Variants in RAF1 observed in about 807,000 individuals in gnomAD.
The protein encoded by RAF1 is Raf-1 proto-oncogene, serine/threonine kinase.
A neutral mutation model predicts 81.1 loss-of-function variants in RAF1; 27 were observed. That is an observed-to-expected ratio of 0.33 (90% CI 0.25 to 0.46). The LOEUF is 0.46. Ranked by LOEUF, RAF1 falls within the 20% of genes least tolerant of loss-of-function variation. RAF1 has a pLI of 1.00. For synonymous variants in RAF1, 298 were observed against 294.0 expected, an observed-to-expected ratio of 1.01 and a Z score of -0.14; for missense variants, 598 against 826.0, an observed-to-expected ratio of 0.72 and a Z score of 3.38.
rs897042666 is a variant in RAF1, at chr3:12,611,933, G to T, written c.320+17C>A. 3.1e-6 allele frequency: 5 copies of T among 1,597,268 alleles called. No individual in the cohort carries two copies. Among genetic ancestry groups the T allele is most frequent in the Non-Finnish European group, 4.3e-6 (5 of 1,164,766 alleles). The stretch of plus-strand genomic sequence containing the variant: ...CCTTACTAGTCTGAAGAAGTCAATT[G>T]ACTTTTGAGCTCTTACCCTTTGTGT... On this transcript the variant is annotated intron_variant, in intron 3 of 17. Coordinates refer to ENST00000442415, the MANE Select transcript of RAF1 (RefSeq NM_001354689.3).
At chr3:12,655,136 G>A (rs2060650116) in intron 1 of RAF1, among the ~76,000 whole-genome samples, 1 of 152,202 alleles carries the variant, frequency 6.6e-6, no homozygotes, top group East Asian at 1.9e-4. Flanking sequence ...CTTGTGGAGT[G>A]CAATGGCGCA....
intron 1 of RAF1, among the ~76,000 whole-genome samples, chr3:12,628,263 C>G (rs2125487807): frequency 6.6e-6 from 1 of 152,306 alleles, no homozygotes; most frequent in East Asian, 1.9e-4. Context: ...GAGTTTGAGA[C>G]CAGCCTGGGC....
chr3:12,611,757 C>A (rs1336259148), intron 3 of RAF1, among the ~76,000 whole-genome samples, 193 bp downstream of exon 3: 1 of 152,146 alleles, frequency 6.6e-6, no homozygotes, highest in Admixed American at 6.5e-5. Context: ...GTGTATTTAA[C>A]TTTTCAAGAG....
At chr3:12,590,209 C>T (rs2058465426) in intron 13 of RAF1, 1 of 154,564 alleles carries the variant, frequency 6.5e-6, no homozygotes, top group South Asian at 2.0e-4. Context: ...GCTGTCCAAG[C>T]AGAAGGTACA....
Position 12,621,322 on chromosome 3 carries a change from C to T in RAF1, c.-26-2575G>A, listed in dbSNP as rs149945891. 2.0e-3 allele frequency among the ~76,000 whole-genome samples: 299 copies of T among 152,288 alleles called. 1 individual carries two copies. Among genetic ancestry groups the T allele is most frequent in the African/African-American group, 6.3e-3 (262 of 41,572 alleles). ...ACACTAACACTCAAATCATTTTAGT[C>T]AGAGCTGAAATGGCCTAGAATTAAA... On this transcript the variant is annotated intron_variant, in intron 1 of 17. Transcript: ENST00000442415.
intron 1 of RAF1, 92 bp from the exon 2 acceptor site, chr3:12,618,839 T>C: frequency 2.9e-6 from 3 of 1,045,216 alleles, no homozygotes; most frequent in Non-Finnish European, 2.9e-6. Context: ...AATAGCACTA[T>C]GTGGGTTTTT....
rs374989519 is a variant in RAF1, at chr3:12,596,156, G to A, written c.1168+3535C>T. 1.4e-4 allele frequency among the ~76,000 whole-genome samples: 20 copies of A among 146,332 alleles called. 2 individuals carry two copies. Among genetic ancestry groups the A allele is most frequent in the Admixed American group, 3.5e-4 (5 of 14,476 alleles). ...CCAAAGTGCTAGGGATTACAGGTGT[G>A]AACCACCACACCTGGCCTATAGAAA... On this transcript the variant is annotated intron_variant, in intron 11 of 17. Coordinates refer to ENST00000442415, the MANE Select transcript of RAF1 (RefSeq NM_001354689.3).
chr3:12,633,627 T>C (rs2059927712), intron 1 of RAF1, among the ~76,000 whole-genome samples: 1 of 105,164 alleles, frequency 9.5e-6, no homozygotes, highest in Admixed American at 1.2e-4. Context: ...TATAAACTTT[T>C]ACAGTTAAAA....
intron 6 of RAF1, among the ~76,000 whole-genome samples, chr3:12,605,612 A>G (rs1384042752): frequency 6.6e-6 from 1 of 152,186 alleles, no homozygotes; most frequent in East Asian, 1.9e-4. Context: ...ATTTTACTTT[A>G]GGTTTCAAAT....
chr3:12,642,761 A>G (rs1043922326), intron 1 of RAF1, among the ~76,000 whole-genome samples: 1 of 149,904 alleles, frequency 6.7e-6, no homozygotes, highest in African/African-American at 2.5e-5. Context: ...AGTCCCAGCT[A>G]TTGGGGCAGG....
rs747472648 is a variant in RAF1, at chr3:12,641,490, GTT to G, written c.-27+22321_-27+22322del. Among the ~76,000 whole-genome samples, 868 of 134,554 alleles carry G rather than the reference GTT, an allele frequency of 6.5e-3. 12 individuals carry two copies. The highest frequency in any genetic ancestry group is 0.021 in the African/African-American group (784 of 36,712). 88.3% of individuals were successfully genotyped at this position (134,554 alleles called of 152,430 possible). ...CCCCCCCAAAAAAAAATGTTTTTTG[GTT>G]TTTTTTTTTTTTTTTTTGAAACAGG... On this transcript the variant is annotated intron_variant, in intron 1 of 17. Transcript: ENST00000442415.
chr3:12,600,279 G>T lies in RAF1; in HGVS notation c.923C>A (p.Ala308Asp). ...GCTACTGGACAGGGCTGAAGGTGAG[G>T]CTTAATAGACAAGACAAACAGAAGC... The change falls in exon 10 of 18, where the codon GCC (alanine) becomes GAC (aspartate). Residue 308 changes from alanine (A) to aspartate (D), a missense_variant and splice_region_variant. By Grantham distance (126) the Ala-to-Asp change is moderately radical. Coordinates refer to ENST00000442415, the MANE Select transcript of RAF1 (RefSeq NM_001354689.3). 6.2e-7 allele frequency: 1 copy of T among 1,614,130 alleles called. No homozygotes were observed. Among genetic ancestry groups the T allele is most frequent in the Non-Finnish European group, 8.5e-7 (1 of 1,180,040 alleles).
In RAF1 at chr3:12,663,806, C is replaced by T. The variant is rs886057916; in HGVS notation, c.-27+7G>A. 1.8e-5 allele frequency: 7 copies of T among 397,086 alleles called. No homozygotes were observed. The highest frequency in any genetic ancestry group is 3.1e-5 in the Non-Finnish European group (7 of 225,364). 24.6% of individuals were successfully genotyped at this position (397,086 alleles called of 1,614,324 possible). A position where few individuals can be genotyped will look rare whatever the true frequency, so the allele number is the denominator to read the frequency against. On this transcript the variant is annotated splice_region_variant and intron_variant, in intron 1 of 17. Coordinates refer to ENST00000442415, the MANE Select transcript of RAF1 (RefSeq NM_001354689.3). The stretch of plus-strand genomic sequence containing the variant: ...CCCGGCATCCACGACCCGGTCCTGC[C>T]ACCTACCTGAGGGAGCCAGGCCGCC...
At chr3:12,637,272 C>T (rs934400071) in intron 1 of RAF1, among the ~76,000 whole-genome samples, 2 of 152,020 alleles carry the variant, frequency 1.3e-5, no homozygotes, top group Non-Finnish European at 2.9e-5. Flanking sequence ...AGTGAATTCA[C>T]GAACTTCCAG....
chr3:12,587,385 C>T (rs772168963), intron 14 of RAF1: 153 of 622,336 alleles, frequency 2.5e-4, no homozygotes, highest in Non-Finnish European at 3.8e-4. Flanking sequence ...ACCTAAACAT[C>T]GCTCTCATCA....
chr3:12,638,982 T>C (rs1194819877), intron 1 of RAF1, among the ~76,000 whole-genome samples: 1 of 151,820 alleles, frequency 6.6e-6, no homozygotes, highest in Non-Finnish European at 1.5e-5. Flanking sequence ...TGAACCAGCC[T>C]TGCATCCCAG....
intron 5 of RAF1, among the ~76,000 whole-genome samples, chr3:12,607,831 G>A (rs2059083248): frequency 6.6e-6 from 1 of 151,006 alleles, no homozygotes; most frequent in South Asian, 2.1e-4. Context: ...TGTGCCTGTA[G>A]TCTGAGCTAC....
At chr3:12,584,757 A>G (rs1269395434) in intron 17 of RAF1, 90 bp downstream of exon 16, 6 of 1,613,098 alleles carry the variant, frequency 3.7e-6, no homozygotes, top group South Asian at 1.1e-5. Flanking sequence ...TCCCCTCCCT[A>G]TAAAACAAAA....
intron 13 of RAF1, chr3:12,590,469 C>T (rs917119395): frequency 9.8e-6 from 3 of 307,458 alleles, no homozygotes; most frequent in Admixed American, 8.2e-5. Flanking sequence ...GGATTATAGG[C>T]ATGTGCCACC....
Sources: gnomAD v4.1 joint callset for allele counts (sites outside exome capture counted in the v4.1 genomes callset) on GRCh38, gnomAD v4.1.1 for gene constraint, MANE v1.5 for transcripts, NCBI Gene and HGNC (gene_info 2026-07-23, HGNC 2026-07-21) for gene names.